The following GLIS1 variants were observed in gnomAD, a reference collection of about 807,000 sequenced individuals.
The protein encoded by GLIS1 is zinc finger protein GLIS1.
A neutral mutation model predicts 63.8 loss-of-function variants in GLIS1; 24 were observed. That is an observed-to-expected ratio of 0.38 (90% CI 0.27 to 0.53). GLIS1 has a LOEUF of 0.53. GLIS1 is among the 20% of genes least tolerant of loss of function. The pLI is 0.85. For synonymous variants in GLIS1, 450 were observed against 482.5 expected (o/e 0.93, Z 0.88); for missense variants, 1,036 against 1,074.1 (o/e 0.96, Z 0.50).
intron 2 of GLIS1, among the ~76,000 whole-genome samples, chr1:53,675,039 C>T (rs1345960085): frequency 6.6e-6 from 1 of 152,188 alleles, no homozygotes; most frequent in Non-Finnish European, 1.5e-5. Context: ...ATTCAGCTCT[C>T]CTCACTCACT....
At chr1:53,683,147 T>C (rs1009763351) in intron 2 of GLIS1, among the ~76,000 whole-genome samples, 18 of 150,338 alleles carry the variant, frequency 1.2e-4, no homozygotes, top group African/African-American at 4.2e-4. Context: ...TCCTGGCATA[T>C]GGAGTCTGGG....
intron 2 of GLIS1, among the ~76,000 whole-genome samples, chr1:53,716,286 G>C (rs1410247313): frequency 6.6e-6 from 1 of 152,158 alleles, no homozygotes; most frequent in African/African-American, 2.4e-5. Flanking sequence ...AACAACAGGG[G>C]GAGAGGGAGG....
rs1056462653 is a variant in GLIS1, at chr1:53,598,076, A to C, written c.437+2025T>G. 6.6e-6 allele frequency among the ~76,000 whole-genome samples: 1 copy of C among 152,174 alleles called. No individual in the cohort carries two copies. The highest frequency in any genetic ancestry group is 2.4e-5 in the African/African-American group (1 of 41,430). On this transcript the variant is annotated intron_variant, in intron 3 of 10. Coordinates refer to ENST00000628545, the MANE Select transcript of GLIS1 (RefSeq NM_001367484.1). The surrounding 1 kb of genome is among the most constrained non-coding windows in gnomAD (Gnocchi z 4.6). ...GTCACCAAACAATGCACGGCTCAAAAACTATAAGACGCTTGCTCCTTGCTA... is the reference window on the plus strand; with the variant it reads ...GTCACCAAACAATGCACGGCTCAAACACTATAAGACGCTTGCTCCTTGCTA...
At chr1:53,533,402 T>C (rs569155471) in intron 4 of GLIS1, among the ~76,000 whole-genome samples, 6 of 152,200 alleles carry the variant, frequency 3.9e-5, no homozygotes, top group Non-Finnish European at 8.8e-5. Flanking sequence ...GTACACCCCC[T>C]TACCCCAGTG....
intron 4 of GLIS1, among the ~76,000 whole-genome samples, chr1:53,582,800 A>C (rs1645098922): frequency 6.6e-6 from 1 of 152,180 alleles, no homozygotes; most frequent in South Asian, 2.1e-4. Context: ...CTCAGTTTCC[A>C]CATCTGCAAA....
intron 2 of GLIS1, among the ~76,000 whole-genome samples, chr1:53,734,485 T>G (rs1204545615): frequency 6.6e-6 from 1 of 152,152 alleles, no homozygotes; most frequent in Non-Finnish European, 1.5e-5. Context: ...GGAACCAGAA[T>G]CAAATATTTG....
intron 2 of GLIS1, among the ~76,000 whole-genome samples, chr1:53,654,229 G>C (rs1184676817): frequency 6.6e-6 from 1 of 152,042 alleles, no homozygotes; most frequent in Non-Finnish European, 1.5e-5. Context: ...TAGGTACTTG[G>C]GACAGAGCAG....
At chr1:53,547,151 G>C (rs986549224) in intron 4 of GLIS1, among the ~76,000 whole-genome samples, 1 of 152,238 alleles carries the variant, frequency 6.6e-6, no homozygotes, top group Non-Finnish European at 1.5e-5. Context: ...CAGAAGGTCT[G>C]AGTTGAAAGG....
At chr1:53,694,238 T>G (rs1646440177) in intron 2 of GLIS1, among the ~76,000 whole-genome samples, 1 of 149,660 alleles carries the variant, frequency 6.7e-6, no homozygotes, top group Admixed American at 6.6e-5. Context: ...GCCCTCTAGG[T>G]GAGAAACGGC....
In GLIS1 at chr1:53,526,821, C is replaced by T. The variant is rs1411731887; in HGVS notation, c.1483-1934G>A. Among the ~76,000 whole-genome samples, 4 of 152,214 alleles carry T rather than the reference C, an allele frequency of 2.6e-5. No homozygotes were observed. The highest frequency in any genetic ancestry group is 9.7e-5 in the African/African-American group (4 of 41,438). On this transcript the variant is annotated intron_variant, in intron 5 of 10. Coordinates refer to ENST00000628545, the MANE Select transcript of GLIS1 (RefSeq NM_001367484.1). This position sits in a 1 kb window ranked among gnomAD's most constrained non-coding sequence, Gnocchi z 4.4. ...TTTCCAGGGCCTGACATGTGTAGAA[C>T]ATTCCTCAGGCCCCATTCCCCGTGA...
chr1:53,695,676 G>C (rs1345724303), intron 2 of GLIS1, among the ~76,000 whole-genome samples: 2 of 152,204 alleles, frequency 1.3e-5, no homozygotes, highest in Non-Finnish European at 2.9e-5. Flanking sequence ...TGGTAGACAA[G>C]AGCTTGGAGC....
At chr1:53,509,034 C>T in intron 10 of GLIS1, 86 bp downstream of exon 10, 1 of 1,339,828 alleles carries the variant, frequency 7.5e-7, no homozygotes, top group Non-Finnish European at 1.0e-6. Context: ...CATCCAAAGG[C>T]TGCAGGACAG....
intron 2 of GLIS1, among the ~76,000 whole-genome samples, chr1:53,665,171 AC>A (rs1362181340): frequency 6.6e-6 from 1 of 152,142 alleles, no homozygotes; most frequent in Non-Finnish European, 1.5e-5. Context: ...CAGGGAAATG[AC>A]AAAAATGGGT....
In GLIS1 at chr1:53,561,402, G is replaced by T. The variant is rs149946572; in HGVS notation, c.1321-31450C>A. Among the ~76,000 whole-genome samples, 30 of 152,334 alleles carry T rather than the reference G, an allele frequency of 2.0e-4. No homozygotes were observed. The East Asian group carries it at 5.8e-3, about 29-fold the overall frequency. On this transcript the variant is annotated intron_variant, in intron 4 of 10. Coordinates refer to ENST00000628545, the MANE Select transcript of GLIS1 (RefSeq NM_001367484.1). ...AAAAGACTGCTGTGACTGCTAATTGGATCCTCAGCCTACACTGTAAATCAG... is the reference window on the plus strand; with the variant it reads ...AAAAGACTGCTGTGACTGCTAATTGTATCCTCAGCCTACACTGTAAATCAG...
rs898302326 is a variant in GLIS1 at position 53,602,509 on chromosome 1, C to G, written c.260-2231G>C. ...TCCTTCCAGGACTCACCAGGCCCCT[C>G]TGGGGCCTTGGGTTACTCCTCCCCT... is the stretch of plus-strand genomic sequence containing the variant. On this transcript the variant is annotated intron_variant, in intron 2 of 10. Coordinates refer to ENST00000628545, the MANE Select transcript of GLIS1 (RefSeq NM_001367484.1). 3.3e-5 allele frequency among the ~76,000 whole-genome samples: 5 copies of G among 152,286 alleles called. No individual in the cohort carries two copies. In the South Asian group the frequency reaches 6.2e-4, roughly 19 times the overall value.
chr1:53,544,419 A>C (rs1164203941), intron 4 of GLIS1, among the ~76,000 whole-genome samples: 1 of 152,180 alleles, frequency 6.6e-6, no homozygotes, highest in Non-Finnish European at 1.5e-5. Flanking sequence ...AGCACCAGGT[A>C]CATGTGCATC....
intron 3 of GLIS1, among the ~76,000 whole-genome samples, chr1:53,599,344 G>T (rs1395260006): frequency 6.6e-6 from 1 of 152,196 alleles, no homozygotes. Flanking sequence ...GAGTGGGACT[G>T]GTGCCTTTAT....
chr1:53,671,161 A>C (rs1298356259), intron 2 of GLIS1, among the ~76,000 whole-genome samples: 3 of 152,228 alleles, frequency 2.0e-5, no homozygotes, highest in Admixed American at 6.5e-5. Flanking sequence ...TCTCATTTTC[A>C]GTTACTGCTA....
intron 3 of GLIS1, among the ~76,000 whole-genome samples, chr1:53,596,193 A>G (rs1352788417): frequency 6.6e-6 from 1 of 152,188 alleles, no homozygotes; most frequent in African/African-American, 2.4e-5. Flanking sequence ...CATGTGGAAC[A>G]TTCCCTCCAC....
Sources: allele counts gnomAD v4.1 joint callset (sites outside exome capture counted in the v4.1 genomes callset), GRCh38; gene constraint gnomAD v4.1.1; non-coding constraint Gnocchi (gnomAD v3.1); transcripts MANE v1.5; gene names NCBI Gene and HGNC (gene_info 2026-07-23, HGNC 2026-07-21).